UBR1: variants seen among roughly 807,000 people sequenced by gnomAD.
UBR1 encodes E3 ubiquitin-protein ligase UBR1.
UBR1 carries 102 observed loss-of-function variants against 242.1 expected under a neutral mutation model. That is an observed-to-expected ratio of 0.42 (90% CI 0.36 to 0.50). The LOEUF is 0.50. Ranked by LOEUF, UBR1 falls within the 20% of genes least tolerant of loss-of-function variation. UBR1 has a pLI of 0.01. For missense variants in UBR1, 1,772 were observed against 2,101.8 expected, an observed-to-expected ratio of 0.84 and a Z score of 3.07; for synonymous variants, 675 against 684.8, an observed-to-expected ratio of 0.99 and a Z score of 0.22.
At chr15:43,006,209 C>T (rs565639881) in intron 30 of UBR1, among the ~76,000 whole-genome samples, 1 of 151,604 alleles carries the variant, frequency 6.6e-6, no homozygotes, top group Non-Finnish European at 1.5e-5. Context: ...CTCTCTGTGC[C>T]TCAGGTCCTT....
chr15:43,031,337 CA>C (rs1027996449), intron 20 of UBR1, among the ~76,000 whole-genome samples: 2 of 151,498 alleles, frequency 1.3e-5, no homozygotes, highest in African/African-American at 4.8e-5. Flanking sequence ...AAAAATAAAA[CA>C]GCAAAATTAT....
intron 38 of UBR1, among the ~76,000 whole-genome samples, chr15:42,977,089 G>A (rs932140289): frequency 6.6e-6 from 1 of 152,136 alleles, no homozygotes; most frequent in African/African-American, 2.4e-5. Context: ...CCTTTGCTGT[G>A]TCTACTTATT....
chr15:43,015,142 T>C (rs897017628), intron 29 of UBR1, among the ~76,000 whole-genome samples: 3 of 152,140 alleles, frequency 2.0e-5, no homozygotes, highest in African/African-American at 7.2e-5. Context: ...CTGGGAGGTG[T>C]ACCCAACAGC....
chr15:43,039,703 T>A (rs1041722486), intron 15 of UBR1, among the ~76,000 whole-genome samples: 7 of 152,192 alleles, frequency 4.6e-5, no homozygotes, highest in African/African-American at 1.7e-4. Context: ...TGGCCAGAAC[T>A]TCCAACACTA....
At chr15:43,022,963 A>G (rs916541377) in intron 25 of UBR1, among the ~76,000 whole-genome samples, 162 bp from the exon 26 acceptor site, 1 of 152,144 alleles carries the variant, frequency 6.6e-6, no homozygotes, top group Admixed American at 6.5e-5. Flanking sequence ...CTTGGGCTCA[A>G]GTGATCCTCC....
rs748002347 is a variant in UBR1 at position 43,043,371 on chromosome 15, T to C, written c.1693A>G (p.Lys565Glu). 2.5e-6 allele frequency: 4 copies of C among 1,614,028 alleles called. No individual in the cohort carries two copies. Among genetic ancestry groups the C allele is most frequent in the East Asian group, 4.5e-5 (2 of 44,894 alleles). The change falls in exon 15 of 47, where the codon AAA becomes GAA. Residue 565 changes from lysine (K) to glutamate (E), a missense_variant. This residue lies in a region of UBR1 where 734 missense variants were observed against 893.3 expected (regional missense o/e 0.82). Coordinates refer to ENST00000290650, the MANE Select transcript of UBR1 (RefSeq NM_174916.3). ...CDEELLLVAY[K>E]ECHKAVMRCS... ...CTCATCACAGCTTTGTGACATTCTT[T>C]ATAAGCCACAAGTAAGAGTTCTTCC...
intron 1 of UBR1, among the ~76,000 whole-genome samples, chr15:43,097,028 C>T (rs889457452): frequency 1.3e-5 from 2 of 151,930 alleles, no homozygotes; most frequent in Non-Finnish European, 2.9e-5. Context: ...TCAGAGGAAT[C>T]GTAATTTATG....
chr15:42,963,836 T>C (rs1399878170), intron 42 of UBR1, 99 bp downstream of exon 42: 2 of 934,004 alleles, frequency 2.1e-6, no homozygotes, highest in African/African-American at 3.3e-5. Flanking sequence ...GCCACCCCTT[T>C]AATCAGTGCT....
At position 42,973,885 on chromosome 15, in the gene UBR1, G is replaced by GTT. The variant is rs1174730906; in HGVS notation, c.4369+2830_4369+2831dup. Among the ~76,000 whole-genome samples, 228 of 120,224 alleles carry GTT rather than the reference G, an allele frequency of 1.9e-3. 1 individual carries two copies. Among genetic ancestry groups the GTT allele is most frequent in the African/African-American group, 2.3e-3 (70 of 30,938 alleles). 78.9% of individuals were successfully genotyped at this position (120,224 alleles called of 152,430 possible). On this transcript the variant is annotated intron_variant, in intron 39 of 46. Transcript: ENST00000290650. ...AGGTTTTCTATGTTAACTTGTAGGA[G>GTT]TTTTTTTTTTTTTTTTTTTTTGAGA...
At chr15:43,088,092 A>G (rs2034060428) in intron 1 of UBR1, among the ~76,000 whole-genome samples, 1 of 152,210 alleles carries the variant, frequency 6.6e-6, no homozygotes, top group African/African-American at 2.4e-5. Context: ...TACTGTTTTA[A>G]TTTTTTACTG....
At chr15:42,968,078 A>G (rs1210628151) in intron 40 of UBR1, among the ~76,000 whole-genome samples, 1 of 152,126 alleles carries the variant, frequency 6.6e-6, no homozygotes, top group Admixed American at 6.6e-5. Context: ...TTAACCTGTA[A>G]CTACATGCAT....
chr15:43,032,677 C>T lies in UBR1; in HGVS notation c.2191-46G>A, dbSNP rs560784716. ...AAATTAGTTATGGAAGAACCAAAAACCTCCATAAAACATGCATTTCTGGAC... is the reference window on the plus strand; with the variant it reads ...AAATTAGTTATGGAAGAACCAAAAATCTCCATAAAACATGCATTTCTGGAC... On this transcript the variant is annotated intron_variant, in intron 19 of 46. Coordinates refer to ENST00000290650, the MANE Select transcript of UBR1 (RefSeq NM_174916.3). 5 of 1,209,274 alleles carry T rather than the reference C, an allele frequency of 4.1e-6. No individual in the cohort carries two copies. The South Asian group carries it at 6.4e-5, about 15-fold the overall frequency. The allele number at this position is 1,209,274 out of a possible 1,614,324, so 74.9% of individuals were successfully genotyped here.
Position 42,960,673 on chromosome 15 carries a change from A to T in UBR1, c.4729T>A (p.Cys1577Ser). The change falls in exon 43 of 47, where the codon TGT (cysteine) becomes AGT (serine). Residue 1577 changes from cysteine (C) to serine (S), a missense_variant. Cys to Ser is a moderately radical substitution (Grantham distance 112). This residue lies in a region of UBR1 where 965 missense variants were observed against 1,079.7 expected (regional missense o/e 0.89). Coordinates refer to ENST00000290650, the MANE Select transcript of UBR1 (RefSeq NM_174916.3). ...ACCACGGTGTTTTTTTGCTTCAAACAGTTTAGTAAGGCAGGATCTGCACAC... is the reference window on the plus strand; with the variant it reads ...ACCACGGTGTTTTTTTGCTTCAAACTGTTTAGTAAGGCAGGATCTGCACAC... ...RWCADPALLN[C>S]LKQKNTVVRY... The T allele has an allele frequency of 6.2e-7, 1 of 1,614,080 alleles. No individual in the cohort carries two copies. Among genetic ancestry groups the T allele is most frequent in the Non-Finnish European group, 8.5e-7 (1 of 1,179,948 alleles).
chr15:43,098,145 C>A (rs139207574), intron 1 of UBR1, among the ~76,000 whole-genome samples: 1 of 152,264 alleles, frequency 6.6e-6, no homozygotes, highest in East Asian at 1.9e-4. Flanking sequence ...TATAGGGATG[C>A]CCAAGGAGAC....
At chr15:42,971,529 T>G (rs1480108247) in intron 39 of UBR1, among the ~76,000 whole-genome samples, 1 of 152,230 alleles carries the variant, frequency 6.6e-6, no homozygotes, top group Admixed American at 6.5e-5. Context: ...TCTGTTGTTT[T>G]AAAAATGCTT....
At position 43,037,771 on chromosome 15, in the gene UBR1, AC is replaced by A; in HGVS notation, c.2022+1del. On this transcript the variant is annotated splice_donor_variant, in intron 17 of 46. Transcript: ENST00000290650. LOFTEE classifies it high-confidence loss of function. Reference sequence around the variant, plus strand: ...AAATATGAATAATAGACTTTGCTGTACCTGGCTAATAAGAGACAGTCCATTT... The same window carrying A: ...AAATATGAATAATAGACTTTGCTGTACTGGCTAATAAGAGACAGTCCATTT... 6.2e-7 allele frequency: 1 copy of A among 1,613,498 alleles called. No homozygotes were observed. The highest frequency in any genetic ancestry group is 8.5e-7 in the Non-Finnish European group (1 of 1,179,450).
chr15:43,073,167 C>A (rs972250655), intron 4 of UBR1, among the ~76,000 whole-genome samples: 2 of 151,838 alleles, frequency 1.3e-5, no homozygotes, highest in East Asian at 1.9e-4. Flanking sequence ...ACAAAAAAAA[C>A]AAAAACAAAA....
intron 5 of UBR1, among the ~76,000 whole-genome samples, chr15:43,070,421 C>G (rs962143154): frequency 1.3e-5 from 2 of 152,094 alleles, no homozygotes; most frequent in African/African-American, 4.8e-5. Flanking sequence ...AAGTCCCTAT[C>G]TTTGTTAACG....
chr15:43,011,854 A>C (rs2032927430), intron 29 of UBR1: 1 of 435,728 alleles, frequency 2.3e-6, no homozygotes, highest in Non-Finnish European at 4.6e-6. Flanking sequence ...AGCAACCTAA[A>C]TGTCTAAAGT....
Sources: allele counts gnomAD v4.1 joint callset (sites outside exome capture counted in the v4.1 genomes callset), GRCh38; gene constraint gnomAD v4.1.1; regional missense constraint gnomAD v4.1.1; transcripts MANE v1.5; gene names NCBI Gene and HGNC (gene_info 2026-07-23, HGNC 2026-07-21).